ZNF385D: variants seen among roughly 807,000 people sequenced by gnomAD.
The protein encoded by ZNF385D is zinc finger protein 659.
A neutral mutation model predicts 35.8 loss-of-function variants in ZNF385D; 15 were observed. The ratio of observed to expected loss-of-function variants is 0.42; its 90% CI spans 0.28 to 0.64. The LOEUF (loss-of-function observed/expected upper bound fraction) is 0.64, where lower values mean the gene tolerates loss of function less well. ZNF385D is among the 30% of genes least tolerant of loss of function. The pLI, the probability that ZNF385D is intolerant of heterozygous loss-of-function variation, is 0.23. For synonymous variants in ZNF385D, 212 were observed against 186.8 expected, an observed-to-expected ratio of 1.13 and a Z score of -1.10; for missense variants, 474 against 494.6, an observed-to-expected ratio of 0.96 and a Z score of 0.39.
chr3:21,945,250 T>G (rs1701725462), intron 3 of ZNF385D, among the ~76,000 whole-genome samples: 1 of 152,004 alleles, frequency 6.6e-6, no homozygotes, highest in African/African-American at 2.4e-5. Flanking sequence ...AAGAGAAATT[T>G]TTCTATGCCA....
At chr3:21,585,604 C>T (rs150104780) in intron 2 of ZNF385D, among the ~76,000 whole-genome samples, 17 of 152,258 alleles carry the variant, frequency 1.1e-4, no homozygotes, top group African/African-American at 1.9e-4. Context: ...TGGCTGCCTA[C>T]GCACCTCCAG....
At chr3:22,284,497 A>C (rs1322262847) in intron 2 of ZNF385D, among the ~76,000 whole-genome samples, 1 of 151,912 alleles carries the variant, frequency 6.6e-6, no homozygotes, top group East Asian at 1.9e-4. Context: ...TCCCCAACAC[A>C]GGATTTTTTT....
At chr3:21,556,068 G>GTTTTTTTT (rs148079775) in intron 3 of ZNF385D, among the ~76,000 whole-genome samples, 23 of 99,042 alleles carry the variant, frequency 2.3e-4, no homozygotes, top group East Asian at 3.1e-4. Context: ...TTTTGTTTTT[G>GTTTTTTTT]TTTTTTTTTT....
intron 3 of ZNF385D, among the ~76,000 whole-genome samples, chr3:21,518,421 C>T (rs886471820): frequency 1.1e-4 from 17 of 152,080 alleles, no homozygotes; most frequent in African/African-American, 1.7e-4. Flanking sequence ...TAATTATTGT[C>T]GCAGGACAAT....
chr3:21,663,667 G>A (rs1318418592), intron 2 of ZNF385D, among the ~76,000 whole-genome samples: 1 of 151,590 alleles, frequency 6.6e-6, no homozygotes, highest in Non-Finnish European at 1.5e-5. Flanking sequence ...TGACCTTTAT[G>A]TTGCTTTATT....
intron 2 of ZNF385D, among the ~76,000 whole-genome samples, chr3:22,293,565 G>T (rs1286577380): frequency 6.6e-6 from 1 of 152,040 alleles, no homozygotes; most frequent in Non-Finnish European, 1.5e-5. Flanking sequence ...GTATAAGCTA[G>T]GAATAAGTTC....
intron 3 of ZNF385D, among the ~76,000 whole-genome samples, chr3:21,535,872 G>A (rs903506825): frequency 1.3e-5 from 2 of 151,902 alleles, no homozygotes. Flanking sequence ...CCATCCCATC[G>A]CTAGTCACCC....
At chr3:22,117,363 C>G in intron 3 of ZNF385D, among the ~76,000 whole-genome samples, 1 of 151,962 alleles carries the variant, frequency 6.6e-6, no homozygotes, top group East Asian at 1.9e-4. Flanking sequence ...AATGAGTAAA[C>G]CTGTTTCGTA....
At chr3:21,772,251 A>T (rs2071107051) in intron 3 of ZNF385D, among the ~76,000 whole-genome samples, 1 of 151,934 alleles carries the variant, frequency 6.6e-6, no homozygotes, top group African/African-American at 2.4e-5. Context: ...ATTTTTTAAA[A>T]ATGTTCTCCA....
At position 22,020,006 on chromosome 3, in the gene ZNF385D, G is replaced by T. The variant is rs1697127231; in HGVS notation, c.325+148811C>A. On this transcript the variant is annotated intron_variant, in intron 3 of 5. Coordinates refer to the ZNF385D transcript ENST00000494108. ...CGTGTAATAAAATGACTGCATAAAT[G>T]CTTTGTTTTAATAATTAAATTAATA... 2.6e-5 allele frequency among the ~76,000 whole-genome samples: 4 copies of T among 151,758 alleles called. No homozygotes were observed. The South Asian group carries it at 8.3e-4, about 32-fold the overall frequency.
chr3:22,025,635 G>A (rs1697492278), intron 3 of ZNF385D, among the ~76,000 whole-genome samples: 1 of 152,132 alleles, frequency 6.6e-6, no homozygotes, highest in Admixed American at 6.5e-5. Context: ...TTGGTTAGCT[G>A]AAATATGGAT....
At chr3:22,037,959 C>G (rs1031560283) in intron 3 of ZNF385D, among the ~76,000 whole-genome samples, 1 of 151,930 alleles carries the variant, frequency 6.6e-6, no homozygotes, top group African/African-American at 2.4e-5. Flanking sequence ...ACAAACCTGA[C>G]AAAAACAAGA....
At chr3:21,688,053 T>TG (rs2067164774) in intron 1 of ZNF385D, among the ~76,000 whole-genome samples, 1 of 151,982 alleles carries the variant, frequency 6.6e-6, no homozygotes. Context: ...GCCAGAAAAT[T>TG]TTTTTTAAAC....
chr3:22,360,881 T>A (rs543643794), intron 2 of ZNF385D, among the ~76,000 whole-genome samples: 51 of 152,046 alleles, frequency 3.4e-4, no homozygotes, highest in Non-Finnish European at 6.0e-4. Flanking sequence ...AGTTGGCACA[T>A]TTTTGTTTCT....
chr3:21,723,520 T>C (rs557548979), intron 1 of ZNF385D, among the ~76,000 whole-genome samples: 2 of 151,954 alleles, frequency 1.3e-5, no homozygotes, highest in African/African-American at 4.8e-5. Context: ...AAATATCAAA[T>C]AGCCGAATTT....
rs79083821 is a variant in ZNF385D, at chr3:21,875,197, C to G, written c.326-210169G>C. On this transcript the variant is annotated intron_variant, in intron 3 of 5. Coordinates refer to the ZNF385D transcript ENST00000494108. ...CATATTAGACCATGTCATCTAGAAACAGAGATAATTTTACTTTCTCCTTTC... is the reference window on the plus strand; with the variant it reads ...CATATTAGACCATGTCATCTAGAAAGAGAGATAATTTTACTTTCTCCTTTC... Among the ~76,000 whole-genome samples, 1,063 of 152,144 alleles carry G rather than the reference C, an allele frequency of 7.0e-3. 18 individuals carry two copies. Among genetic ancestry groups the G allele is most frequent in the African/African-American group, 0.024 (991 of 41,532 alleles).
intron 3 of ZNF385D, among the ~76,000 whole-genome samples, chr3:22,039,940 G>C (rs1166980814): frequency 2.6e-5 from 4 of 152,104 alleles, no homozygotes; most frequent in African/African-American, 9.7e-5. Context: ...ATTGGATGTA[G>C]CCATTACGAT....
chr3:22,162,807 C>G (rs73145023), intron 3 of ZNF385D, among the ~76,000 whole-genome samples: 1 of 152,136 alleles, frequency 6.6e-6, no homozygotes, highest in Non-Finnish European at 1.5e-5. Flanking sequence ...TTGATGTCAA[C>G]AGAATCAGAG....
At chr3:21,570,098 AT>A (rs2063289452) in intron 2 of ZNF385D, among the ~76,000 whole-genome samples, 1 of 151,494 alleles carries the variant, frequency 6.6e-6, no homozygotes, top group Non-Finnish European at 1.5e-5. Flanking sequence ...AAAAAAAAGA[AT>A]TTTCTAAATC....
Sources: gnomAD v4.1 joint callset for allele counts (sites outside exome capture counted in the v4.1 genomes callset) on GRCh38, gnomAD v4.1.1 for gene constraint, MANE v1.5 for transcripts, NCBI Gene and HGNC (gene_info 2026-07-23, HGNC 2026-07-21) for gene names.